Variants in ANXA7 observed in about 807,000 individuals in gnomAD.
The protein encoded by ANXA7 is annexin VII.
ANXA7 carries 55 observed loss-of-function variants against 64.9 expected under a neutral mutation model. That is an observed-to-expected ratio of 0.85 (90% CI 0.68 to 1.06). The LOEUF (loss-of-function observed/expected upper bound fraction) is 1.06, where lower values mean the gene tolerates loss of function less well. ANXA7 is among the 50% of genes least tolerant of loss of function. The pLI is 0.00. For missense variants in ANXA7, 548 were observed against 582.1 expected (o/e 0.94, Z 0.60); for synonymous variants, 200 against 192.4 (o/e 1.04, Z -0.33).
intron 1 of ANXA7, among the ~76,000 whole-genome samples, chr10:73,410,475 T>A (rs560236476): frequency 6.6e-6 from 1 of 152,150 alleles, no homozygotes; most frequent in South Asian, 2.1e-4. Flanking sequence ...CCTACAGGAA[T>A]GGTTATTCTT....
rs1339605952 is a variant in ANXA7 at position 73,396,504 on chromosome 10, G to A, written c.435+15C>T. Reference sequence around the variant, plus strand: ...TAGCTACCTAGAGTGAGCTTAAAAGGTAGGAACAAAATACCTGACTAGGGT... The same window carrying A: ...TAGCTACCTAGAGTGAGCTTAAAAGATAGGAACAAAATACCTGACTAGGGT... On this transcript the variant is annotated intron_variant, in intron 5 of 12. Transcript: ENST00000372921. 6.3e-7 allele frequency: 1 copy of A among 1,596,430 alleles called. No homozygotes were observed.
chr10:73,406,156 A>C (rs920535919), intron 1 of ANXA7, among the ~76,000 whole-genome samples: 3 of 152,046 alleles, frequency 2.0e-5, no homozygotes, highest in Non-Finnish European at 4.4e-5. Context: ...GGGTTTCGTC[A>C]TGTTGGCCAG....
In ANXA7 at chr10:73,402,900, T is replaced by C. The variant is rs565888782; in HGVS notation, c.-1-2043A>G. The stretch of plus-strand genomic sequence containing the variant: ...AGTACAGTGGCATAATCTCAACTCA[T>C]TGCAACCTCTGCCCCTTGGGTTCAA... On this transcript the variant is annotated intron_variant, in intron 1 of 12. Transcript: ENST00000372921. Among the ~76,000 whole-genome samples, 13 of 152,076 alleles carry C rather than the reference T, an allele frequency of 8.5e-5. No homozygotes were observed. The East Asian group carries it at 1.5e-3, about 18-fold the overall frequency.
intron 7 of ANXA7, 28 bp downstream of exon 7, chr10:73,387,661 G>C (rs1348453075): frequency 6.5e-7 from 1 of 1,540,442 alleles, no homozygotes; most frequent in Admixed American, 1.7e-5. Flanking sequence ...GCCACTGCTG[G>C]TGCTCATTCC....
At chr10:73,396,695 A>G (rs1437945059) in intron 4 of ANXA7, 112 bp from the exon 5 acceptor site, 5 of 608,508 alleles carry the variant, frequency 8.2e-6, no homozygotes, top group Non-Finnish European at 1.4e-5. Flanking sequence ...CATTCACACT[A>G]TGATACTTAT....
intron 1 of ANXA7, among the ~76,000 whole-genome samples, chr10:73,410,511 C>T (rs1441879226): frequency 2.0e-5 from 3 of 152,104 alleles, no homozygotes; most frequent in Non-Finnish European, 2.9e-5. Context: ...GGGCCGGGCG[C>T]GGTAGCCCCC....
At chr10:73,401,938 T>A (rs1385808610) in intron 1 of ANXA7, among the ~76,000 whole-genome samples, 2 of 152,248 alleles carry the variant, frequency 1.3e-5, no homozygotes, top group Non-Finnish European at 2.9e-5. Context: ...ATGTTAAAAG[T>A]ATGCTTATCA....
At chr10:73,388,055 A>G (rs1453818116) in intron 6 of ANXA7, among the ~76,000 whole-genome samples, 1 of 151,982 alleles carries the variant, frequency 6.6e-6, no homozygotes, top group Non-Finnish European at 1.5e-5. Context: ...GAGTTTCGCC[A>G]TGTTGGCCAG....
intron 4 of ANXA7, among the ~76,000 whole-genome samples, chr10:73,396,803 A>G (rs113055162): frequency 1.1e-3 from 165 of 152,322 alleles, no homozygotes; most frequent in African/African-American, 3.8e-3. Context: ...ATCCTCATAA[A>G]TAATACTTTT....
At chr10:73,399,737 C>T (rs1331153996) in intron 2 of ANXA7, among the ~76,000 whole-genome samples, 2 of 152,122 alleles carry the variant, frequency 1.3e-5, no homozygotes, top group Non-Finnish European at 2.9e-5. Flanking sequence ...AGGAGAATCG[C>T]TTGAACCCCA....
intron 1 of ANXA7, among the ~76,000 whole-genome samples, chr10:73,401,504 C>T (rs2055664145): frequency 6.6e-6 from 1 of 151,568 alleles, no homozygotes; most frequent in Admixed American, 6.6e-5. Context: ...TTCTTCTTTT[C>T]TCTTTTTTTT....
chr10:73,402,899 A>C (rs1268075527), intron 1 of ANXA7, among the ~76,000 whole-genome samples: 1 of 151,304 alleles, frequency 6.6e-6, no homozygotes, highest in African/African-American at 2.4e-5. Context: ...ATCTCAACTC[A>C]TTGCAACCTC....
intron 1 of ANXA7, among the ~76,000 whole-genome samples, chr10:73,401,559 G>A (rs1479753760): frequency 6.6e-6 from 1 of 151,888 alleles, no homozygotes; most frequent in Non-Finnish European, 1.5e-5. Flanking sequence ...GAGTGTAGTG[G>A]CACAATCTCA....
chr10:73,411,018 C>G (rs568209274), intron 1 of ANXA7, among the ~76,000 whole-genome samples: 2 of 152,268 alleles, frequency 1.3e-5, no homozygotes, highest in Non-Finnish European at 2.9e-5. Context: ...CAGCACAACT[C>G]ACAACTGCAA....
intron 5 of ANXA7, among the ~76,000 whole-genome samples, chr10:73,392,077 T>C (rs906188183): frequency 6.6e-6 from 1 of 151,758 alleles, no homozygotes; most frequent in African/African-American, 2.4e-5. Flanking sequence ...AACACCTCTA[T>C]GCAAATAAAC....
chr10:73,411,823 C>T (rs1301059404), intron 1 of ANXA7, among the ~76,000 whole-genome samples: 1 of 151,076 alleles, frequency 6.6e-6, no homozygotes, highest in African/African-American at 2.4e-5. Flanking sequence ...AATGAGGCAG[C>T]TTTTTCTTTT....
chr10:73,392,055 G>C (rs2132672845), intron 5 of ANXA7, among the ~76,000 whole-genome samples: 1 of 152,334 alleles, frequency 6.6e-6, no homozygotes, highest in Admixed American at 6.5e-5. Context: ...ACTACCATCA[G>C]AGAATAGGAT....
chr10:73,396,083 A>G (rs1460222955), intron 5 of ANXA7: 3 of 1,601,626 alleles, frequency 1.9e-6, no homozygotes, highest in Non-Finnish European at 2.6e-6. Flanking sequence ...AGAAAACAGG[A>G]TAGGAAGAAA....
intron 5 of ANXA7, 82 bp downstream of exon 5, chr10:73,396,437 G>A (rs556781954): frequency 1.3e-4 from 133 of 1,003,348 alleles, no homozygotes; most frequent in Middle Eastern, 2.1e-4. Context: ...CATTTCCTCC[G>A]ACCCATGGAA....
Sources: gnomAD v4.1 joint callset for allele counts (sites outside exome capture counted in the v4.1 genomes callset) on GRCh38, gnomAD v4.1.1 for gene constraint, MANE v1.5 for transcripts, NCBI Gene and HGNC (gene_info 2026-07-23, HGNC 2026-07-21) for gene names.